Variants in SLC4A10 observed in about 807,000 individuals in gnomAD.
SLC4A10 encodes the protein sodium-driven chloride bicarbonate exchanger.
Under a neutral mutation model 137.7 loss-of-function variants are expected in SLC4A10, and 42 were observed. The ratio of observed to expected loss-of-function variants is 0.30; its 90% CI spans 0.24 to 0.39. The LOEUF (loss-of-function observed/expected upper bound fraction) is 0.39, where lower values mean the gene tolerates loss of function less well. Among genes scored for constraint, SLC4A10 ranks in the 10% least tolerant of loss-of-function variants. The pLI is 1.00. For synonymous variants in SLC4A10, 474 were observed against 464.1 expected, an observed-to-expected ratio of 1.02 and a Z score of -0.27; for missense variants, 925 against 1,355.0, an observed-to-expected ratio of 0.68 and a Z score of 4.98.
intron 1 of SLC4A10, among the ~76,000 whole-genome samples, chr2:161,673,629 GA>G (rs1173044902): frequency 1.3e-5 from 2 of 152,010 alleles, no homozygotes; most frequent in African/African-American, 4.8e-5. Flanking sequence ...AGCTTTCCTT[GA>G]AACACAAGAA....
chr2:161,726,475 T>G (rs1232221871), intron 1 of SLC4A10, among the ~76,000 whole-genome samples: 1 of 152,142 alleles, frequency 6.6e-6, no homozygotes, highest in African/African-American at 2.4e-5. Context: ...ATTGACGAAA[T>G]TTTGTAAGCA....
chr2:161,814,804 T>A (rs1360855320), intron 3 of SLC4A10, among the ~76,000 whole-genome samples: 1 of 151,972 alleles, frequency 6.6e-6, no homozygotes, highest in African/African-American at 2.4e-5. Flanking sequence ...GTTAAAAAAG[T>A]AACTATTGGG....
chr2:161,800,230 T>A (rs1683093440), intron 2 of SLC4A10, among the ~76,000 whole-genome samples: 5 of 152,120 alleles, frequency 3.3e-5, no homozygotes, highest in Admixed American at 3.3e-4. Context: ...TTCCACATCA[T>A]GAATTTTAGC....
intron 12 of SLC4A10, chr2:161,902,001 T>C (rs986983124): frequency 4.4e-6 from 2 of 456,160 alleles, no homozygotes; most frequent in African/African-American, 4.0e-5. Context: ...AGTTCACTTT[T>C]CCTTACTGCT....
chr2:161,930,900 CAT>C (rs532729016), intron 15 of SLC4A10, among the ~76,000 whole-genome samples: 39 of 122,498 alleles, frequency 3.2e-4, no homozygotes, highest in African/African-American at 7.4e-4. Context: ...CATTCTGCCA[CAT>C]GTTTTTGTTT....
intron 1 of SLC4A10, among the ~76,000 whole-genome samples, chr2:161,634,086 G>A (rs539600857): frequency 6.6e-6 from 1 of 151,672 alleles, no homozygotes; most frequent in African/African-American, 2.4e-5. Flanking sequence ...TTCTGTTCTA[G>A]GATACAATTC....
chr2:161,801,156 C>T (rs961370221), intron 2 of SLC4A10, among the ~76,000 whole-genome samples: 1 of 151,996 alleles, frequency 6.6e-6, no homozygotes, highest in Non-Finnish European at 1.5e-5. Flanking sequence ...TATTCTCTTG[C>T]TTTATCTGAT....
At chr2:161,813,886 C>A (rs771020501) in intron 3 of SLC4A10, among the ~76,000 whole-genome samples, 1 of 152,034 alleles carries the variant, frequency 6.6e-6, no homozygotes, top group Non-Finnish European at 1.5e-5. Context: ...ATGCTCAACC[C>A]GTACACCAAC....
intron 1 of SLC4A10, among the ~76,000 whole-genome samples, chr2:161,643,908 G>C (rs913086596): frequency 6.6e-6 from 1 of 152,026 alleles, no homozygotes; most frequent in African/African-American, 2.4e-5. Context: ...TAAGAGAGAT[G>C]GTTCAAAATA....
chr2:161,637,048 GATATATATGTATAT>G (rs2034508198), intron 1 of SLC4A10, among the ~76,000 whole-genome samples: 1 of 136,982 alleles, frequency 7.3e-6, no homozygotes, highest in African/African-American at 2.6e-5. Flanking sequence ...TATGTATATA[GATATATATGTATAT>G]ATCTATATAC....
chr2:161,894,614 A>C, intron 10 of SLC4A10, 65 bp from the exon 11 acceptor site: 1 of 900,098 alleles, frequency 1.1e-6, no homozygotes, highest in African/African-American at 1.7e-5. Flanking sequence ...AGTTGAAAAC[A>C]CTGAACACAT....
At chr2:161,752,946 T>C (rs1410436083) in intron 1 of SLC4A10, among the ~76,000 whole-genome samples, 2 of 152,134 alleles carry the variant, frequency 1.3e-5, no homozygotes, top group Non-Finnish European at 2.9e-5. Context: ...GCAGTGTGTA[T>C]GTTAATTAGC....
chr2:161,797,277 A>AT (rs1387239465), intron 2 of SLC4A10, among the ~76,000 whole-genome samples: 1 of 151,814 alleles, frequency 6.6e-6, no homozygotes, highest in Non-Finnish European at 1.5e-5. Flanking sequence ...CTTTTTCTAA[A>AT]TTTTTCACTC....
In SLC4A10 at chr2:161,933,125, G is replaced by GTTTTTCTTT. The variant is rs1690723013; in HGVS notation, c.1998-9667_1998-9666insTTTTTCTTT. On this transcript the variant is annotated intron_variant, in intron 15 of 26. Transcript: ENST00000446997. ...TTATCTTTCTTTCTCTTTCTTTCCT[G>GTTTTTCTTT]CCTGTTTTTCTTTCTTTTCTTCTTT... 4.3e-4 allele frequency among the ~76,000 whole-genome samples: 9 copies of GTTTTTCTTT among 21,034 alleles called. 1 individual carries two copies. The Admixed American group carries it at 5.6e-3, about 13-fold the overall frequency. 13.8% of individuals were successfully genotyped at this position (21,034 alleles called of 152,430 possible). A position where few individuals can be genotyped will look rare whatever the true frequency, so the allele number is the denominator to read the frequency against.
At chr2:161,692,775 T>C (rs1441099456) in intron 1 of SLC4A10, among the ~76,000 whole-genome samples, 1 of 152,070 alleles carries the variant, frequency 6.6e-6, no homozygotes, top group Non-Finnish European at 1.5e-5. Context: ...TTACCTTATA[T>C]AATCAGATGT....
intron 3 of SLC4A10, among the ~76,000 whole-genome samples, chr2:161,816,410 G>T (rs1319075069): frequency 6.6e-6 from 1 of 152,020 alleles, no homozygotes; most frequent in African/African-American, 2.4e-5. Context: ...GGAATCATTA[G>T]GGCCCAAATT....
chr2:161,783,573 A>T (rs1331772048), intron 2 of SLC4A10, among the ~76,000 whole-genome samples: 1 of 151,976 alleles, frequency 6.6e-6, no homozygotes, highest in East Asian at 1.9e-4. Flanking sequence ...TAATAAGTAA[A>T]ACTATGTTAA....
At position 161,885,259 on chromosome 2, in the gene SLC4A10, A is replaced by C. The variant is rs532231211; in HGVS notation, c.1194+2815A>C. On this transcript the variant is annotated intron_variant, in intron 10 of 26. Transcript: ENST00000446997. Reference sequence around the variant, plus strand: ...TTGTACTCATTAAGAATAGAATTTAATATGTTGATTCATAGTTTACTTTGG... The same window carrying C: ...TTGTACTCATTAAGAATAGAATTTACTATGTTGATTCATAGTTTACTTTGG... 2.7e-5 allele frequency among the ~76,000 whole-genome samples: 4 copies of C among 149,612 alleles called. No homozygotes were observed. In the South Asian group the frequency reaches 8.6e-4, roughly 32 times the overall value.
At chr2:161,721,743 T>A (rs913062993) in intron 1 of SLC4A10, among the ~76,000 whole-genome samples, 1 of 152,208 alleles carries the variant, frequency 6.6e-6, no homozygotes, top group African/African-American at 2.4e-5. Flanking sequence ...TCTTGCTAGG[T>A]TGGGGAATTT....
Sources: allele counts gnomAD v4.1 joint callset (sites outside exome capture counted in the v4.1 genomes callset), GRCh38; gene constraint gnomAD v4.1.1; transcripts MANE v1.5; gene names NCBI Gene and HGNC (gene_info 2026-07-23, HGNC 2026-07-21).